The following MXI1 variants were observed in gnomAD, a reference collection of about 807,000 sequenced individuals.
MXI1 encodes max-interacting protein 1.
In MXI1, 18 loss-of-function variants were observed where a neutral mutation model predicts 36.9. That is an observed-to-expected ratio of 0.49 (90% CI 0.34 to 0.72). MXI1 has a LOEUF of 0.72. Among genes scored for constraint, MXI1 ranks in the 30% least tolerant of loss-of-function variants. The pLI is 0.01. For synonymous variants in MXI1, 160 were observed against 146.7 expected (o/e 1.09, Z -0.65); for missense variants, 304 against 379.1 (o/e 0.80, Z 1.64).
chr10:110,279,813 A>T, intron 4 of MXI1, 101 bp from the exon 5 acceptor site: 2 of 773,678 alleles, frequency 2.6e-6, no homozygotes, highest in Non-Finnish European at 3.8e-6. Flanking sequence ...ATACACACTC[A>T]CACATGTATA....
intron 3 of MXI1, among the ~76,000 whole-genome samples, chr10:110,259,961 TCA>T (rs1856451874): frequency 6.6e-6 from 1 of 152,094 alleles, no homozygotes; most frequent in African/African-American, 2.4e-5. Flanking sequence ...GTGCTTATAC[TCA>T]CATCTTCTAA....
intron 3 of MXI1, among the ~76,000 whole-genome samples, chr10:110,249,634 C>T (rs767537960): frequency 2.0e-4 from 30 of 149,998 alleles, no homozygotes; most frequent in Non-Finnish European, 4.3e-4. Context: ...AAATGAAACT[C>T]ACTAGTGGTC....
At position 110,236,038 on chromosome 10, in the gene MXI1, C is replaced by T. The variant is rs138102142; in HGVS notation, c.407+7717C>T. Among the ~76,000 whole-genome samples the T allele has an allele frequency of 5.2e-4, 77 of 146,846 alleles. No individual in the cohort carries two copies. The East Asian group carries it at 0.015, about 28-fold the overall frequency. ...AATTTTTTTCTCTATTTTCTTCTAG[C>T]AGTTTATAATATTAGGTTTTACATT... On this transcript the variant is annotated intron_variant, in intron 2 of 5. Coordinates refer to ENST00000332674, the MANE Select transcript of MXI1 (RefSeq NM_130439.3).
At chr10:110,232,532 C>G (rs757862156) in intron 2 of MXI1, among the ~76,000 whole-genome samples, 2 of 152,166 alleles carry the variant, frequency 1.3e-5, no homozygotes, top group Non-Finnish European at 2.9e-5. Context: ...ATACAGTTAT[C>G]CAGTTGTTTC....
In MXI1 at chr10:110,223,822, C is replaced by CA. The variant is rs544249501; in HGVS notation, c.275-4353dup. On this transcript the variant is annotated intron_variant, in intron 1 of 5. Coordinates refer to ENST00000332674, the MANE Select transcript of MXI1 (RefSeq NM_130439.3). ...AACAGTCCCTTTTTGAAAGCCTTTACAAAAAAAAAAAAAAGTTCTTCTGTG... is the reference window on the plus strand; with the variant it reads ...AACAGTCCCTTTTTGAAAGCCTTTACAAAAAAAAAAAAAAAGTTCTTCTGTG... Among the ~76,000 whole-genome samples, 353 of 108,766 alleles carry CA rather than the reference C, an allele frequency of 3.2e-3. 1 individual carries two copies. The highest frequency in any genetic ancestry group is 0.018 in the South Asian group (67 of 3,672). The allele number at this position is 108,766 out of a possible 152,430, so 71.4% of individuals were successfully genotyped here.
chr10:110,284,994 G>C lies in MXI1; in HGVS notation c.*7G>C. 1 of 1,608,912 alleles carries C rather than the reference G, an allele frequency of 6.2e-7. No homozygotes were observed. Among genetic ancestry groups the C allele is most frequent in the Middle Eastern group, 1.7e-4 (1 of 6,026 alleles). On this transcript the variant is annotated 3_prime_UTR_variant, in exon 6 of 6. Transcript: ENST00000332674. ...ACTTTCATTCACTTCATAGAACCCA[G>C]CATGACATAACAGTGCAGGGCAAAA... is the stretch of plus-strand genomic sequence containing the variant.
chr10:110,273,973 G>A (rs566834303), intron 3 of MXI1, among the ~76,000 whole-genome samples: 11 of 152,164 alleles, frequency 7.2e-5, no homozygotes, highest in Non-Finnish European at 1.0e-4. Context: ...AGTTTGTTCC[G>A]AAAGGGTATT....
chr10:110,258,445 A>G (rs886905521), intron 3 of MXI1, among the ~76,000 whole-genome samples: 1 of 152,142 alleles, frequency 6.6e-6, no homozygotes, highest in Non-Finnish European at 1.5e-5. Flanking sequence ...AGTAGGTGAC[A>G]CTCATTTACT....
Position 110,280,000 on chromosome 10 carries a change from G to A in MXI1, c.639G>A (p.Gln213=). ...EQRFLKWRLE[Q]LQGPQEMERI... is the part of the protein sequence containing the mutation. ...GATTTTTAAAGTGGCGACTGGAACAGCTGCAGGGTCCTCAGGAGATGGAAC... is the reference window on the plus strand; with the variant it reads ...GATTTTTAAAGTGGCGACTGGAACAACTGCAGGGTCCTCAGGAGATGGAAC... The change falls in exon 5 of 6, where the codon CAG becomes CAA. Residue 213 remains glutamine (Q), a synonymous_variant. Coordinates refer to ENST00000332674, the MANE Select transcript of MXI1 (RefSeq NM_130439.3). The A allele has an allele frequency of 6.2e-7, 1 of 1,613,450 alleles. No homozygotes were observed. Among genetic ancestry groups the A allele is most frequent in the Non-Finnish European group, 8.5e-7 (1 of 1,179,546 alleles).
At chr10:110,226,191 G>C (rs763592671) in intron 1 of MXI1, 4 of 1,467,978 alleles carry the variant, frequency 2.7e-6, no homozygotes, top group Non-Finnish European at 3.6e-6. Context: ...GAGAGGCGCC[G>C]GTCGCCACCC....
chr10:110,275,144 G>C (rs1856985307), intron 3 of MXI1, among the ~76,000 whole-genome samples: 1 of 151,964 alleles, frequency 6.6e-6, no homozygotes, highest in South Asian at 2.1e-4. Flanking sequence ...CAAAGTGCTG[G>C]GATTACAGGC....
At chr10:110,241,014 T>TC (rs2134385252) in intron 2 of MXI1, among the ~76,000 whole-genome samples, 1 of 152,116 alleles carries the variant, frequency 6.6e-6, no homozygotes, top group East Asian at 1.9e-4. Context: ...GGTTCATTTC[T>TC]TTGACTGCCA....
chr10:110,218,901 C>T (rs748839474), intron 1 of MXI1, among the ~76,000 whole-genome samples: 56 of 152,196 alleles, frequency 3.7e-4, no homozygotes, highest in Admixed American at 1.7e-3. Context: ...ATTAGGTCCT[C>T]GCTGCCACCG....
At chr10:110,232,323 T>A (rs1855303347) in intron 2 of MXI1, among the ~76,000 whole-genome samples, 1 of 152,292 alleles carries the variant, frequency 6.6e-6, no homozygotes, top group African/African-American at 2.4e-5. Context: ...TTCTTCTACC[T>A]CAAGATCTTT....
chr10:110,239,648 A>C (rs1048549213), intron 2 of MXI1, among the ~76,000 whole-genome samples: 43 of 152,242 alleles, frequency 2.8e-4, no homozygotes, highest in Non-Finnish European at 2.9e-5. Flanking sequence ...CATCCTTTAC[A>C]AAGCACATTT....
chr10:110,253,382 C>T (rs1393313414), intron 3 of MXI1, among the ~76,000 whole-genome samples: 2 of 151,954 alleles, frequency 1.3e-5, no homozygotes, highest in Non-Finnish European at 2.9e-5. Context: ...GAGGGTTAGG[C>T]AGTGTTTTCT....
At chr10:110,254,136 T>C (rs938380749) in intron 3 of MXI1, among the ~76,000 whole-genome samples, 5 of 152,130 alleles carry the variant, frequency 3.3e-5, no homozygotes, top group Non-Finnish European at 1.5e-5. Context: ...TTTTAGCAAT[T>C]GAAGGTTTGT....
chr10:110,230,911 C>T (rs1025207594), intron 2 of MXI1, among the ~76,000 whole-genome samples: 1 of 152,192 alleles, frequency 6.6e-6, no homozygotes, highest in African/African-American at 2.4e-5. Context: ...CAAAAAGCTA[C>T]TAGTGTGGAA....
rs980713059 is a variant in MXI1 at position 110,270,919 on chromosome 10, G to A, written c.438-8261G>A. On this transcript the variant is annotated intron_variant, in intron 3 of 5. Transcript: ENST00000332674. ...ACCCTGGGCAATATGGTGAAACCCC[G>A]TCTCTAGTAAAATAAAATAAAAAAA... Among the ~76,000 whole-genome samples the A allele has an allele frequency of 5.3e-5, 8 of 151,808 alleles. No homozygotes were observed. In the South Asian group the frequency reaches 6.2e-4, roughly 12 times the overall value.
Sources: gnomAD v4.1 joint callset for allele counts (sites outside exome capture counted in the v4.1 genomes callset) on GRCh38, gnomAD v4.1.1 for gene constraint, MANE v1.5 for transcripts, NCBI Gene and HGNC (gene_info 2026-07-23, HGNC 2026-07-21) for gene names.